The following QSOX2 variants were observed in gnomAD, a reference collection of about 807,000 sequenced individuals.
The protein encoded by QSOX2 is quiescin sulfhydryl oxidase 2, also known as sulfhydryl oxidase 2.
A neutral mutation model predicts 61.7 loss-of-function variants in QSOX2; 46 were observed. The observed-to-expected ratio is 0.75, with a 90% confidence interval of 0.59 to 0.95. QSOX2 has a LOEUF of 0.95. QSOX2 is among the 40% of genes least tolerant of loss of function. The pLI, the probability that QSOX2 is intolerant of heterozygous loss-of-function variation, is 0.00. For synonymous variants in QSOX2, 383 were observed against 388.4 expected, an observed-to-expected ratio of 0.99 and a Z score of 0.16; for missense variants, 879 against 918.9, an observed-to-expected ratio of 0.96 and a Z score of 0.56.
intron 9 of QSOX2, among the ~76,000 whole-genome samples, chr9:136,216,241 G>A (rs146306583): frequency 6.6e-6 from 1 of 152,346 alleles, no homozygotes; most frequent in East Asian, 1.9e-4. Context: ...ACCTGGTCTT[G>A]GGGAAAGCTC....
intron 8 of QSOX2, among the ~76,000 whole-genome samples, chr9:136,217,458 G>C (rs1164773219): frequency 6.6e-6 from 1 of 152,258 alleles, no homozygotes; most frequent in Non-Finnish European, 1.5e-5. Flanking sequence ...GGCGATGCCA[G>C]ACCAGAAACG....
rs1179390901 is a variant in QSOX2, at chr9:136,222,643, TCTCTG to T, written c.676-707_676-703del. On this transcript the variant is annotated intron_variant, in intron 5 of 11. Transcript: ENST00000358701. This position sits in a 1 kb window ranked among gnomAD's most constrained non-coding sequence, Gnocchi z 6.9. The stretch of plus-strand genomic sequence containing the variant: ...GATCGCTACTCTGGGGCCACACTGG[TCTCTG>T]CTCTGGGCCATGCCGTGACTCTGTG... Among the ~76,000 whole-genome samples, 9 of 152,252 alleles carry T rather than the reference TCTCTG, an allele frequency of 5.9e-5. No homozygotes were observed. The South Asian group carries it at 1.9e-3, about 32-fold the overall frequency.
chr9:136,235,698 C>T (rs1184305421), intron 1 of QSOX2, among the ~76,000 whole-genome samples: 1 of 152,208 alleles, frequency 6.6e-6, no homozygotes, highest in Non-Finnish European at 1.5e-5. Context: ...GCCCTGAAGA[C>T]CACCTGCTCC....
Position 136,223,690 on chromosome 9 carries a change from A to C in QSOX2, c.675+73T>G. 1 of 1,192,386 alleles carries C rather than the reference A, an allele frequency of 8.4e-7. No individual in the cohort carries two copies. The highest frequency in any genetic ancestry group is 1.3e-5 in the South Asian group (1 of 77,700). The allele number at this position is 1,192,386 out of a possible 1,614,324, so 73.9% of individuals were successfully genotyped here. On this transcript the variant is annotated intron_variant, in intron 5 of 11. Transcript: ENST00000358701. The surrounding 1 kb of genome is among the most constrained non-coding windows in gnomAD (Gnocchi z 4.4). ...GCCGACACAGTGACCGGCACCTGCA[A>C]ATCTCATCACAGATCCACCGCCAAC...
intron 8 of QSOX2, 44 bp from the exon 9 acceptor site, chr9:136,216,766 G>A (rs201519840): frequency 6.8e-6 from 11 of 1,606,800 alleles, no homozygotes; most frequent in South Asian, 3.3e-5. Flanking sequence ...ACCCAAACCC[G>A]GGCCCGCCCC....
Position 136,208,954 on chromosome 9 carries a change from C to T in QSOX2, c.1871G>A (p.Ser624Asn), listed in dbSNP as rs1564288230. 2 of 1,613,646 alleles carry T rather than the reference C, an allele frequency of 1.2e-6. No homozygotes were observed. Among genetic ancestry groups the T allele is most frequent in the Non-Finnish European group, 1.7e-6 (2 of 1,179,738 alleles). Reference protein sequence around the residue: ...ALGPRPALPESLHHSLDGKLQ... With the variant: ...ALGPRPALPENLHHSLDGKLQ... ...TTTCCCGTCCAAGCTGTGATGCAAG[C>T]TCTCTGGAAGGGCAGGCCTGGGGCC... is the stretch of plus-strand genomic sequence containing the variant. Residue 624 changes from serine (S) to asparagine (N), a missense_variant, in exon 12 of 12, where the codon AGC (serine) becomes AAC (asparagine). Ser to Asn is a conservative substitution (Grantham distance 46, BLOSUM62 1). Transcript: ENST00000358701.
At chr9:136,233,840 C>T (rs762096349) in intron 1 of QSOX2, among the ~76,000 whole-genome samples, 7 of 152,226 alleles carry the variant, frequency 4.6e-5, no homozygotes, top group Admixed American at 2.0e-4. Flanking sequence ...TTCTATGACA[C>T]GGACCCTTTT....
chr9:136,224,839 A>C (rs774902503), intron 3 of QSOX2, 22 bp downstream of exon 3: 1 of 1,547,306 alleles, frequency 6.5e-7, no homozygotes, highest in Non-Finnish European at 8.9e-7. Context: ...CAGGGACTAA[A>C]ATACAATGCT....
At chr9:136,230,372 C>A (rs977813555) in intron 1 of QSOX2, among the ~76,000 whole-genome samples, 25 of 152,324 alleles carry the variant, frequency 1.6e-4, no homozygotes, top group African/African-American at 5.3e-4. Context: ...TGGCTGTCAG[C>A]CCTGCAGTAA....
At chr9:136,215,513 A>G (rs1340210246) in intron 9 of QSOX2, among the ~76,000 whole-genome samples, 1 of 152,228 alleles carries the variant, frequency 6.6e-6, no homozygotes, top group Non-Finnish European at 1.5e-5. Context: ...GGTCTCCTTT[A>G]CTAAAGGAGC....
chr9:136,245,693 T>G lies in QSOX2; in HGVS notation c.111A>C (p.Leu37=). 2 of 1,171,032 alleles carry G rather than the reference T, an allele frequency of 1.7e-6. No individual in the cohort carries two copies. The highest frequency in any genetic ancestry group is 2.1e-6 in the Non-Finnish European group (2 of 952,326). 72.5% of individuals were successfully genotyped at this position (1,171,032 alleles called of 1,614,324 possible). The part of the protein sequence containing the change: ...PPRAARLPRL[L]VLLAAAAVGP... ...CCACCGCCGCCGCCGCTAGCAGCAC[T>G]AGCAGCCGCGGCAGCCGTGCGGCCC... The change falls in exon 1 of 12, where the codon CTA becomes CTC. Residue 37 remains leucine, a synonymous_variant. Coordinates refer to ENST00000358701, the MANE Select transcript of QSOX2 (RefSeq NM_181701.4).
chr9:136,234,015 T>C (rs540009648), intron 1 of QSOX2, among the ~76,000 whole-genome samples: 15 of 152,206 alleles, frequency 9.9e-5, no homozygotes, highest in African/African-American at 3.4e-4. Flanking sequence ...CCACCTCCTC[T>C]GCCGCTGCAA....
In QSOX2 at chr9:136,226,887, A is replaced by G; in HGVS notation, c.329-13T>C. ...GCACTGGCCCAGTCTGAAAAGCAGG[A>G]GCATGACCTTCAGTGTGGTGAGCAC... On this transcript the variant is annotated splice_polypyrimidine_tract_variant and intron_variant, in intron 1 of 11. Transcript: ENST00000358701. 1.2e-6 allele frequency: 2 copies of G among 1,612,104 alleles called. No individual in the cohort carries two copies. The highest frequency in any genetic ancestry group is 1.7e-6 in the Non-Finnish European group (2 of 1,178,178).
chr9:136,237,993 C>G (rs1172094356), intron 1 of QSOX2, among the ~76,000 whole-genome samples: 1 of 152,224 alleles, frequency 6.6e-6, no homozygotes, highest in African/African-American at 2.4e-5. Context: ...AAAACCACAA[C>G]CTTTGGGCTT....
At chr9:136,212,358 C>T (rs1024419100) in intron 10 of QSOX2, among the ~76,000 whole-genome samples, 7 of 152,224 alleles carry the variant, frequency 4.6e-5, no homozygotes, top group African/African-American at 1.4e-4. Flanking sequence ...CATGCTTTCG[C>T]GAATGAATCC....
At chr9:136,226,553 C>A (rs1156917871) in intron 2 of QSOX2, among the ~76,000 whole-genome samples, 1 of 148,358 alleles carries the variant, frequency 6.7e-6, no homozygotes, top group African/African-American at 2.5e-5. Flanking sequence ...CGTGGACAGT[C>A]CCACAGACAC....
chr9:136,240,564 C>T (rs1474958469), intron 1 of QSOX2, among the ~76,000 whole-genome samples: 1 of 152,176 alleles, frequency 6.6e-6, no homozygotes, highest in East Asian at 1.9e-4. Flanking sequence ...CTGGGTGGAG[C>T]CCCCTCTTGG....
At chr9:136,240,416 A>G (rs1830425234) in intron 1 of QSOX2, among the ~76,000 whole-genome samples, 2 of 152,256 alleles carry the variant, frequency 1.3e-5, no homozygotes, top group South Asian at 4.1e-4. Flanking sequence ...TACAGTAAAG[A>G]TAAAACAATC....
rs771678405 is a variant in QSOX2 at position 136,224,051 on chromosome 9, C to A, written c.540G>T (p.Thr180=). 1 of 1,613,994 alleles carries A rather than the reference C, an allele frequency of 6.2e-7. No individual in the cohort carries two copies. The highest frequency in any genetic ancestry group is 1.3e-5 in the African/African-American group (1 of 75,002). Residue 180 remains threonine, a synonymous_variant, in exon 4 of 12, where the codon ACG becomes ACT. Coordinates refer to ENST00000358701, the MANE Select transcript of QSOX2 (RefSeq NM_181701.4). ...QTMIDFLQNH[T]EGSRPPACPR... Reference sequence around the variant, plus strand: ...GGCAGGCAGGGGGCCGGCTTCCTTCCGTGTGGTTCTGCAGGAAGTCAATCA... The same window carrying A: ...GGCAGGCAGGGGGCCGGCTTCCTTCAGTGTGGTTCTGCAGGAAGTCAATCA...
Sources: gnomAD v4.1 joint callset for allele counts (sites outside exome capture counted in the v4.1 genomes callset) on GRCh38, gnomAD v4.1.1 for gene constraint, Gnocchi (gnomAD v3.1) non-coding constraint, MANE v1.5 for transcripts, NCBI Gene and HGNC (gene_info 2026-07-23, HGNC 2026-07-21) for gene names.